CD82: variants seen among roughly 807,000 people sequenced by gnomAD.
The protein encoded by CD82 is CD82 antigen.
CD82 carries 36 observed loss-of-function variants against 37.4 expected under a neutral mutation model. The observed-to-expected ratio is 0.96, with a 90% CI of 0.74 to 1.27. The LOEUF (loss-of-function observed/expected upper bound fraction) is 1.27, where lower values mean the gene tolerates loss of function less well. CD82 is among the 50% of genes most tolerant of loss of function. The probability of loss-of-function intolerance (pLI) is 0.00; values close to 1 mark genes in which losing one functional copy is unlikely to be tolerated. For synonymous variants in CD82, 158 were observed against 137.4 expected (o/e 1.15, Z -1.05); for missense variants, 340 against 347.0 (o/e 0.98, Z 0.16).
rs1413416710 is a variant in CD82, at chr11:44,618,709, G to A, written c.712G>A (p.Val238Met). Residue 238 changes from valine (V) to methionine (M), a missense_variant, in exon 9 of 10, where the codon GTG becomes ATG. Coordinates refer to ENST00000227155, the MANE Select transcript of CD82 (RefSeq NM_002231.4). ...CATCATCCTCGGCGTGGGCGTGGGT[G>A]TGGCCATCATCGAGGTCTGAGCCCC... ...LGIILGVGVG[V>M]AIIELLGMVL... is the part of the protein sequence containing the mutation. The A allele has an allele frequency of 6.2e-7, 1 of 1,613,442 alleles. No individual in the cohort carries two copies. The highest frequency in any genetic ancestry group is 8.5e-7 in the Non-Finnish European group (1 of 1,179,720).
intron 3 of CD82, among the ~76,000 whole-genome samples, chr11:44,599,931 G>T (rs535509624): frequency 9.2e-5 from 14 of 152,188 alleles, no homozygotes; most frequent in Non-Finnish European, 2.1e-4. Context: ...ATGGTGGAGG[G>T]GGGCAAGATG....
intron 2 of CD82, among the ~76,000 whole-genome samples, chr11:44,588,722 C>A (rs558080348): frequency 3.3e-5 from 5 of 152,162 alleles, no homozygotes; most frequent in Non-Finnish European, 5.9e-5. Flanking sequence ...GTGCCCCTAA[C>A]CAACATGTGT....
intron 1 of CD82, chr11:44,585,054 C>T (rs919157724): frequency 1.1e-5 from 4 of 369,582 alleles, no homozygotes; most frequent in African/African-American, 6.4e-5. Context: ...CTCTGAGTCT[C>T]AAGCAGTTCC....
In CD82 at chr11:44,619,745, C is replaced by A. The variant is rs1201854471; in HGVS notation, c.*619C>A. The A allele has an allele frequency of 6.8e-5, 6 of 87,976 alleles. No homozygotes were observed. The highest frequency in any genetic ancestry group is 2.8e-4 in the African/African-American group (6 of 21,174). The allele number at this position is 87,976 out of a possible 1,614,324, so 5.4% of individuals were successfully genotyped here. On this transcript the variant is annotated 3_prime_UTR_variant, in exon 10 of 10. Coordinates refer to ENST00000227155, the MANE Select transcript of CD82 (RefSeq NM_002231.4). ...TGCTACTGCACTCCAGCCTGGGGGA[C>A]AGAAAGAGACTCCGTCTCAAAAAAA...
chr11:44,600,939 G>C (rs1416109661), intron 4 of CD82, among the ~76,000 whole-genome samples: 1 of 152,214 alleles, frequency 6.6e-6, no homozygotes, highest in African/African-American at 2.4e-5. Flanking sequence ...GCAGCACATG[G>C]CAGGGTGAGC....
intron 3 of CD82, chr11:44,596,911 G>A: frequency 2.2e-6 from 1 of 456,190 alleles, no homozygotes; most frequent in Non-Finnish European, 4.4e-6. Context: ...GTTGTTGGGG[G>A]TACTAGGAAC....
intron 1 of CD82, among the ~76,000 whole-genome samples, chr11:44,586,380 T>G (rs1340731396): frequency 1.3e-5 from 2 of 152,164 alleles, no homozygotes; most frequent in Non-Finnish European, 2.9e-5. Context: ...TCTGTGTGCA[T>G]CTTTCTAGGG....
At chr11:44,568,560 C>T (rs1852770379) in intron 1 of CD82, among the ~76,000 whole-genome samples, 1 of 152,110 alleles carries the variant, frequency 6.6e-6, no homozygotes. Flanking sequence ...GCTGATCCCT[C>T]CCTCCCATCC....
At chr11:44,587,055 C>A (rs1981994) in intron 1 of CD82, among the ~76,000 whole-genome samples, 8 of 152,070 alleles carry the variant, frequency 5.3e-5, no homozygotes, top group Non-Finnish European at 1.2e-4. Flanking sequence ...AGCCCTACCC[C>A]TAGAGATCCT....
Position 44,608,860 on chromosome 11 carries a change from G to A in CD82, c.336+3431G>A, listed in dbSNP as rs114392945. 6.0e-3 allele frequency among the ~76,000 whole-genome samples: 919 copies of A among 152,368 alleles called. 16 individuals carry two copies. Among genetic ancestry groups the A allele is most frequent in the African/African-American group, 0.021 (878 of 41,586 alleles). ...CTAAAATCTGATCCTGTCTCGAGCC[G>A]GAGCCCCCAGGGGCTGCCTTGCAGC... On this transcript the variant is annotated intron_variant, in intron 6 of 9. Coordinates refer to ENST00000227155, the MANE Select transcript of CD82 (RefSeq NM_002231.4).
intron 1 of CD82, among the ~76,000 whole-genome samples, chr11:44,580,149 C>A (rs2134631184): frequency 6.6e-6 from 1 of 152,330 alleles, no homozygotes; most frequent in South Asian, 2.1e-4. Flanking sequence ...TAGCTCTCAG[C>A]CAAGAAGACT....
rs1233351771 is a variant in CD82 at position 44,605,065 on chromosome 11, C to T, written c.144C>T (p.Ser48=). ...KSSFISVLQT[S]SSSLRMGAYV... ...ACTTCTTCTTCCCCCTAGAAACCTCCTCCAGCTCGCTTAGGATGGGGGCCT... is the reference window on the plus strand; with the variant it reads ...ACTTCTTCTTCCCCCTAGAAACCTCTTCCAGCTCGCTTAGGATGGGGGCCT... The change falls in exon 5 of 10, where the codon TCC becomes TCT. Residue 48 remains serine (S), a synonymous_variant. Transcript: ENST00000227155. 3.1e-6 allele frequency: 5 copies of T among 1,614,102 alleles called. No homozygotes were observed. The Admixed American group carries it at 8.3e-5, about 27-fold the overall frequency.
Position 44,597,167 on chromosome 11 carries a change from G to A in CD82, c.63+2442G>A, listed in dbSNP as rs1490214390. On this transcript the variant is annotated intron_variant, in intron 3 of 9. Transcript: ENST00000227155. The surrounding 1 kb of genome is among the most constrained non-coding windows in gnomAD (Gnocchi z 4.1). ...ATCCCCGTGGCTGCTATGTGTGCTC[G>A]CGCCTGCGTGCATGTGCACCTGTAT... is the stretch of plus-strand genomic sequence containing the variant. Among the ~76,000 whole-genome samples the A allele has an allele frequency of 2.0e-5, 3 of 152,188 alleles. No homozygotes were observed. The highest frequency in any genetic ancestry group is 2.1e-4 in the South Asian group (1 of 4,830).
intron 4 of CD82, chr11:44,604,851 G>A: frequency 1.6e-6 from 1 of 637,422 alleles, no homozygotes; most frequent in Non-Finnish European, 2.8e-6. Flanking sequence ...CTGGATGAGG[G>A]TGTGGATTGC....
intron 3 of CD82, 45 bp from the exon 4 acceptor site, chr11:44,600,113 C>T: frequency 6.3e-7 from 1 of 1,589,998 alleles, no homozygotes; most frequent in South Asian, 1.1e-5. Flanking sequence ...AGGGGGAGGG[C>T]TATCTGCTCT....
At chr11:44,604,293 CAGCACACCTGT>C in intron 4 of CD82, 1 of 152,854 alleles carries the variant, frequency 6.5e-6, no homozygotes, top group East Asian at 1.9e-4. Context: ...AATGAACATG[CAGCACACCTGT>C]AGCAATACAT....
At chr11:44,593,985 C>G (rs2134654603) in intron 2 of CD82, among the ~76,000 whole-genome samples, 1 of 59,946 alleles carries the variant, frequency 1.7e-5, no homozygotes, top group South Asian at 7.3e-4. Context: ...TGATTAGAAC[C>G]ATTTGTTATA....
intron 3 of CD82, among the ~76,000 whole-genome samples, 199 bp from the exon 4 acceptor site, chr11:44,599,959 C>T (rs1853283530): frequency 6.6e-6 from 1 of 152,138 alleles, no homozygotes; most frequent in Admixed American, 6.5e-5. Context: ...GGAGGGATTC[C>T]CTATCCAGGG....
intron 1 of CD82, among the ~76,000 whole-genome samples, chr11:44,572,486 A>G (rs914752465): frequency 1.3e-5 from 2 of 152,248 alleles, no homozygotes; most frequent in African/African-American, 4.8e-5. Flanking sequence ...CTTTTTGTGA[A>G]TAAATCATAT....
Sources: gnomAD v4.1 joint callset for allele counts (sites outside exome capture counted in the v4.1 genomes callset) on GRCh38, gnomAD v4.1.1 for gene constraint, Gnocchi (gnomAD v3.1) non-coding constraint, MANE v1.5 for transcripts, NCBI Gene and HGNC (gene_info 2026-07-23, HGNC 2026-07-21) for gene names.